Variants in DGKB observed in about 807,000 individuals in gnomAD.
The protein encoded by DGKB is diacylglycerol kinase beta.
In DGKB, 67 loss-of-function variants were observed where a neutral mutation model predicts 114.3. The ratio of observed to expected loss-of-function variants is 0.59; its 90% CI spans 0.48 to 0.72. The LOEUF (loss-of-function observed/expected upper bound fraction) is 0.72. DGKB is among the 30% of genes least tolerant of loss of function. DGKB has a pLI of 0.00. For synonymous variants in DGKB, 398 were observed against 323.1 expected, an observed-to-expected ratio of 1.23 and a Z score of -2.49; for missense variants, 907 against 975.2, an observed-to-expected ratio of 0.93 and a Z score of 0.93.
chr7:14,198,884 A>G (rs915755380), intron 23 of DGKB, among the ~76,000 whole-genome samples: 3 of 152,068 alleles, frequency 2.0e-5, no homozygotes, highest in Non-Finnish European at 4.4e-5. Context: ...CTGTGCAGAA[A>G]TATTTAAATA....
At chr7:14,534,313 C>A (rs936676655) in intron 20 of DGKB, among the ~76,000 whole-genome samples, 3 of 151,602 alleles carry the variant, frequency 2.0e-5, no homozygotes. Context: ...ATGCAAAAGA[C>A]AAAGAGGAAA....
At chr7:14,323,364 C>T (rs929925670) in intron 23 of DGKB, among the ~76,000 whole-genome samples, 1 of 151,986 alleles carries the variant, frequency 6.6e-6, no homozygotes, top group Non-Finnish European at 1.5e-5. Flanking sequence ...TATTGACTAT[C>T]AAAATTCATT....
intron 2 of DGKB, among the ~76,000 whole-genome samples, chr7:14,835,724 G>T (rs567488064): frequency 6.6e-6 from 1 of 152,184 alleles, no homozygotes; most frequent in African/African-American, 2.4e-5. Context: ...CCGAGATATC[G>T]TATTATCTGA....
chr7:14,338,705 A>T lies in DGKB; in HGVS notation c.1932T>A (p.Asp644Glu), dbSNP rs777259935. 4 of 1,446,470 alleles carry T rather than the reference A, an allele frequency of 2.8e-6. No individual in the cohort carries two copies. Among genetic ancestry groups the T allele is most frequent in the Non-Finnish European group, 3.7e-6 (4 of 1,089,998 alleles). The allele number at this position is 1,446,470 out of a possible 1,614,324, so 89.6% of individuals were successfully genotyped here. ...TGTTTATTAAATCTATCTGTACTCC[A>T]TCACACTGATCGGTAAAAAGAAAGA... The part of the protein sequence containing the change: ...KLHESVEIEC[D>E]GVQIDLINIS... Residue 644 changes from aspartate (D) to glutamate (E), a missense_variant, in exon 23 of 26, where the codon GAT (aspartate) becomes GAA (glutamate). Transcript: ENST00000402815.
intron 17 of DGKB, among the ~76,000 whole-genome samples, chr7:14,586,824 T>A (rs968632872): frequency 6.6e-6 from 1 of 150,660 alleles, no homozygotes; most frequent in African/African-American, 2.4e-5. Context: ...GTTTACTGAG[T>A]ATTTTAAGTC....
At chr7:14,550,185 T>C (rs1327262303) in intron 20 of DGKB, among the ~76,000 whole-genome samples, 1 of 152,164 alleles carries the variant, frequency 6.6e-6, no homozygotes, top group African/African-American at 2.4e-5. Flanking sequence ...AAAATCCTAT[T>C]ATATTCAATT....
chr7:14,769,086 AAAG>A (rs1252388373), intron 2 of DGKB, among the ~76,000 whole-genome samples: 2 of 123,240 alleles, frequency 1.6e-5, no homozygotes, highest in Non-Finnish European at 3.2e-5. Context: ...AGAAAGAAAG[AAAG>A]AAAGAAAGAA....
chr7:14,689,007 T>A (rs921055175), intron 9 of DGKB, among the ~76,000 whole-genome samples: 1 of 152,044 alleles, frequency 6.6e-6, no homozygotes, highest in Non-Finnish European at 1.5e-5. Context: ...TTCATTGATG[T>A]CCTAACCCAC....
At chr7:14,695,494 C>CTCTTTT (rs1823671843) in intron 8 of DGKB, among the ~76,000 whole-genome samples, 4 of 75,158 alleles carry the variant, frequency 5.3e-5, no homozygotes, top group East Asian at 1.0e-3. Flanking sequence ...CTCTCTCTCT[C>CTCTTTT]TTTTTTTTTT....
intron 12 of DGKB, among the ~76,000 whole-genome samples, chr7:14,682,239 T>C (rs747522778): frequency 1.3e-5 from 2 of 152,168 alleles, no homozygotes; most frequent in East Asian, 3.9e-4. Flanking sequence ...AGTATCCTAT[T>C]CTTATTGCTT....
chr7:14,898,363 C>A (rs540262352), intron 1 of DGKB, among the ~76,000 whole-genome samples: 2 of 152,150 alleles, frequency 1.3e-5, no homozygotes, highest in African/African-American at 2.4e-5. Flanking sequence ...GTCTCCAGAG[C>A]TAGACTGCCT....
rs186790308 is a variant in DGKB at position 14,531,826 on chromosome 7, G to A, written c.1770+42386C>T. ...AATCAGGATTGTGGTATTGGTATAA[G>A]AATAGGCATATAAATAAATGAAAAA... On this transcript the variant is annotated intron_variant, in intron 20 of 25. Transcript: ENST00000402815. Among the ~76,000 whole-genome samples, 527 of 150,974 alleles carry A rather than the reference G, an allele frequency of 3.5e-3. 3 individuals carry two copies. Among genetic ancestry groups the A allele is most frequent in the African/African-American group, 0.012 (511 of 41,368 alleles).
At chr7:14,826,388 T>G (rs1845711197) in intron 2 of DGKB, among the ~76,000 whole-genome samples, 1 of 152,106 alleles carries the variant, frequency 6.6e-6, no homozygotes, top group Admixed American at 6.6e-5. Flanking sequence ...TTACCATACT[T>G]TATATTTTGT....
intron 18 of DGKB, 124 bp downstream of exon 18, chr7:14,582,928 C>T: frequency 1.4e-6 from 1 of 737,700 alleles, no homozygotes; most frequent in Non-Finnish European, 2.4e-6. Context: ...AGTGTGCAAC[C>T]TTCCAGATGT....
At chr7:14,473,155 C>T (rs1781667282) in intron 21 of DGKB, among the ~76,000 whole-genome samples, 1 of 152,126 alleles carries the variant, frequency 6.6e-6, no homozygotes, top group Admixed American at 6.5e-5. Flanking sequence ...CCATGATAGG[C>T]CCAGAGGCAT....
At chr7:14,599,464 C>T (rs1323972548) in intron 17 of DGKB, among the ~76,000 whole-genome samples, 2 of 152,178 alleles carry the variant, frequency 1.3e-5, no homozygotes, top group Admixed American at 1.3e-4. Flanking sequence ...GCTTGCTGCT[C>T]TCTCTGCCTT....
chr7:14,169,655 G>C (rs1310034558), intron 25 of DGKB, among the ~76,000 whole-genome samples: 4 of 152,240 alleles, frequency 2.6e-5, no homozygotes, highest in East Asian at 1.9e-4. Context: ...ATTGAACTTT[G>C]AGATCAAGGG....
At chr7:14,172,810 C>A (rs1385411799) in intron 25 of DGKB, among the ~76,000 whole-genome samples, 1 of 152,058 alleles carries the variant, frequency 6.6e-6, no homozygotes, top group African/African-American at 2.4e-5. Flanking sequence ...TAAAATCTTA[C>A]CTAGTCTATG....
upstream of DGKB, among the ~76,000 whole-genome samples, chr7:14,908,134 C>A (rs1783802944): frequency 6.6e-6 from 1 of 152,098 alleles, no homozygotes. Context: ...CTGAAAATGT[C>A]CACGTTTTAT....
Sources: gnomAD v4.1 joint callset for allele counts (sites outside exome capture counted in the v4.1 genomes callset) on GRCh38, gnomAD v4.1.1 for gene constraint, MANE v1.5 for transcripts, NCBI Gene and HGNC (gene_info 2026-07-23, HGNC 2026-07-21) for gene names.